Variants in NRXN3 observed in about 807,000 individuals in gnomAD.
NRXN3 encodes the protein neurexin III.
In NRXN3, 32 loss-of-function variants were observed where a neutral mutation model predicts 137.6. The observed-to-expected ratio is 0.23, with a 90% CI of 0.18 to 0.31. NRXN3 has a LOEUF of 0.31. Ranked by LOEUF, NRXN3 falls within the 10% of genes least tolerant of loss-of-function variation. The pLI is 1.00. For synonymous variants in NRXN3, 798 were observed against 784.5 expected (o/e 1.02, Z -0.29); for missense variants, 1,574 against 2,062.5 (o/e 0.76, Z 4.59).
chr14:79,240,800 G>A (rs2074152420), intron 15 of NRXN3, among the ~76,000 whole-genome samples: 1 of 152,048 alleles, frequency 6.6e-6, no homozygotes, highest in Non-Finnish European at 1.5e-5. Flanking sequence ...TATTTGCAAT[G>A]CACAGAAATC....
chr14:78,581,860 C>T (rs2097001396), intron 4 of NRXN3, among the ~76,000 whole-genome samples: 1 of 152,316 alleles, frequency 6.6e-6, no homozygotes, highest in East Asian at 1.9e-4. Context: ...GTGCCCATAC[C>T]TGTTGCAATT....
chr14:79,071,058 C>A (rs750782737), intron 15 of NRXN3, among the ~76,000 whole-genome samples: 5 of 152,104 alleles, frequency 3.3e-5, no homozygotes, highest in Non-Finnish European at 5.9e-5. Context: ...TCTAAGGATT[C>A]TTGGTTCTTC....
intron 15 of NRXN3, among the ~76,000 whole-genome samples, chr14:79,371,616 A>G (rs951064138): frequency 1.2e-4 from 18 of 152,172 alleles, no homozygotes; most frequent in African/African-American, 4.3e-4. Flanking sequence ...ATCAGGTTTG[A>G]TATTTAATAG....
At chr14:78,529,260 G>A (rs937232813) in intron 4 of NRXN3, among the ~76,000 whole-genome samples, 5 of 152,060 alleles carry the variant, frequency 3.3e-5, no homozygotes, top group Admixed American at 2.6e-4. Flanking sequence ...ATTTAGATTC[G>A]GTTCAAAGAA....
chr14:79,079,938 AGATCATGCCATTGCACTCCAG>A, intron 15 of NRXN3, among the ~76,000 whole-genome samples: 1 of 152,180 alleles, frequency 6.6e-6, no homozygotes, highest in Non-Finnish European at 1.5e-5. Context: ...TGGTGAGCTG[AGATCATGCCATTGCACTCCAG>A]CCTGGGAGAC....
intron 15 of NRXN3, among the ~76,000 whole-genome samples, chr14:79,212,399 CTG>C (rs1183353515): frequency 6.6e-6 from 1 of 152,124 alleles, no homozygotes; most frequent in African/African-American, 2.4e-5. Flanking sequence ...CTGATACTCT[CTG>C]TTCTTAGGTT....
At chr14:79,253,672 T>C (rs1269636879) in intron 15 of NRXN3, among the ~76,000 whole-genome samples, 1 of 152,214 alleles carries the variant, frequency 6.6e-6, no homozygotes, top group Non-Finnish European at 1.5e-5. Flanking sequence ...CAAGCACATT[T>C]TCACAAGGCG....
intron 15 of NRXN3, among the ~76,000 whole-genome samples, chr14:79,396,408 C>T (rs1191109601): frequency 1.3e-5 from 2 of 152,080 alleles, no homozygotes; most frequent in Non-Finnish European, 2.9e-5. Flanking sequence ...AATGTTCTCA[C>T]CCTTGTTTGA....
At chr14:79,818,680 C>G (rs1208401419) in intron 20 of NRXN3, among the ~76,000 whole-genome samples, 1 of 152,132 alleles carries the variant, frequency 6.6e-6, no homozygotes, top group Non-Finnish European at 1.5e-5. Context: ...TTCCTCACTT[C>G]CTTGCATTAT....
intron 10 of NRXN3, among the ~76,000 whole-genome samples, chr14:78,918,299 A>AAAG (rs1567700072): frequency 2.8e-5 from 4 of 145,454 alleles, no homozygotes; most frequent in African/African-American, 8.4e-5. Context: ...AAAAAAAAAA[A>AAAG]AAAAAAAAGA....
At chr14:79,553,299 A>C (rs530198149) in intron 16 of NRXN3, among the ~76,000 whole-genome samples, 92 of 151,898 alleles carry the variant, frequency 6.1e-4, no homozygotes, top group African/African-American at 2.1e-3. Flanking sequence ...CCAGAGAGGG[A>C]GGGAAGGGGA....
chr14:78,253,888 C>T (rs958485683), intron 2 of NRXN3, among the ~76,000 whole-genome samples: 1 of 135,248 alleles, frequency 7.4e-6, no homozygotes, highest in African/African-American at 2.8e-5. Context: ...CTGGTCAATA[C>T]TGAGTATCAG....
At chr14:79,336,978 A>G (rs1171794908) in intron 15 of NRXN3, among the ~76,000 whole-genome samples, 5 of 152,160 alleles carry the variant, frequency 3.3e-5, no homozygotes, top group African/African-American at 2.4e-5. Flanking sequence ...CCTTGGCCAC[A>G]TACTTTAAAC....
At chr14:79,822,196 A>G (rs1288875324) in intron 20 of NRXN3, among the ~76,000 whole-genome samples, 1 of 152,188 alleles carries the variant, frequency 6.6e-6, no homozygotes, top group Non-Finnish European at 1.5e-5. Context: ...GTTCTCAGTC[A>G]TGTTATCTGC....
chr14:78,780,606 A>G (rs2098765682), intron 8 of NRXN3, among the ~76,000 whole-genome samples: 1 of 152,154 alleles, frequency 6.6e-6, no homozygotes, highest in Admixed American at 6.5e-5. Context: ...TGATCAAGAG[A>G]AAGAAAAATA....
chr14:79,517,867 C>G (rs995350546), intron 16 of NRXN3, among the ~76,000 whole-genome samples: 1 of 103,882 alleles, frequency 9.6e-6, no homozygotes, highest in Admixed American at 9.1e-5. Context: ...TCCCTTATTA[C>G]TTTTTCTTTC....
intron 8 of NRXN3, among the ~76,000 whole-genome samples, chr14:78,736,994 C>CT (rs35643414): frequency 2.6e-5 from 4 of 152,094 alleles, no homozygotes; most frequent in Non-Finnish European, 4.4e-5. Context: ...AGTTAATTTG[C>CT]TTTTTGGGAA....
chr14:79,196,921 T>C (rs992158636), intron 15 of NRXN3, among the ~76,000 whole-genome samples: 1 of 152,144 alleles, frequency 6.6e-6, no homozygotes, highest in Non-Finnish European at 1.5e-5. Flanking sequence ...GGGTCAGCTA[T>C]TGCAGCTTGA....
intron 10 of NRXN3, among the ~76,000 whole-genome samples, chr14:78,903,622 G>C (rs2099204948): frequency 6.6e-6 from 1 of 151,902 alleles, no homozygotes; most frequent in African/African-American, 2.4e-5. Context: ...TTTTTATTAG[G>C]ACTTTGCCTT....
Sources: allele counts gnomAD v4.1 joint callset (sites outside exome capture counted in the v4.1 genomes callset), GRCh38; gene constraint gnomAD v4.1.1; transcripts MANE v1.5; gene names NCBI Gene and HGNC (gene_info 2026-07-23, HGNC 2026-07-21).